SWT1: variants seen among roughly 807,000 people sequenced by gnomAD.
SWT1 encodes the protein SWT1 RNA endoribonuclease homolog.
A neutral mutation model predicts 107.3 loss-of-function variants in SWT1; 33 were observed. The ratio of observed to expected loss-of-function variants is 0.31; its 90% confidence interval spans 0.23 to 0.41. The LOEUF (loss-of-function observed/expected upper bound fraction) is 0.41. Ranked by LOEUF, SWT1 falls within the 10% of genes least tolerant of loss-of-function variation. The probability of loss-of-function intolerance (pLI) is 1.00; values close to 1 mark genes in which losing one functional copy is unlikely to be tolerated. For missense variants in SWT1, 898 were observed against 1,028.9 expected (o/e 0.87, Z 1.74); for synonymous variants, 345 against 348.3 (o/e 0.99, Z 0.11).
rs1239578435 is a variant in SWT1 at position 185,164,217 on chromosome 1, A to C, written c.85-2355A>C. 5.3e-5 allele frequency among the ~76,000 whole-genome samples: 8 copies of C among 152,170 alleles called. No homozygotes were observed. The South Asian group carries it at 1.7e-3, about 32-fold the overall frequency. ...ACAGTAGGTCTCAACAGTGAGCTTA[A>C]GATATTCAGTAAATCATGCTGTAAA... On this transcript the variant is annotated intron_variant, in intron 2 of 18. Coordinates refer to ENST00000367500, the MANE Select transcript of SWT1 (RefSeq NM_017673.7).
chr1:185,237,600 T>C (rs1425500232), intron 16 of SWT1, among the ~76,000 whole-genome samples: 3 of 152,082 alleles, frequency 2.0e-5, no homozygotes, highest in Non-Finnish European at 4.4e-5. Context: ...CTAATGTAGA[T>C]GATGGGTTAA....
chr1:185,240,204 T>C (rs1414053321), intron 16 of SWT1, among the ~76,000 whole-genome samples: 1 of 152,070 alleles, frequency 6.6e-6, no homozygotes, highest in Admixed American at 6.6e-5. Flanking sequence ...ATTTCACCTT[T>C]ATAAAATAAG....
Position 185,220,140 on chromosome 1 carries a change from A to C in SWT1, c.2122-1709A>C, listed in dbSNP as rs796229189. On this transcript the variant is annotated intron_variant, in intron 14 of 18. Transcript: ENST00000367500. ...GGTGGCAGAATGAGACCCTGTCTCA[A>C]AAAAAAAAAAAAAAAAAAAAAAAAG... 2.9e-3 allele frequency among the ~76,000 whole-genome samples: 19 copies of C among 6,660 alleles called. No individual in the cohort carries two copies. The African/African-American group carries it at 0.032, about 11-fold the overall frequency. The allele number at this position is 6,660 out of a possible 152,430, so 4.4% of individuals were successfully genotyped here.
intron 7 of SWT1, among the ~76,000 whole-genome samples, chr1:185,182,742 ATGT>A (rs1009437035): frequency 6.6e-6 from 1 of 150,574 alleles, no homozygotes; most frequent in Non-Finnish European, 1.5e-5. Flanking sequence ...TTTCTTATTC[ATGT>A]TGTGAAATTT....
chr1:185,201,423 C>G (rs1004074480), intron 10 of SWT1, among the ~76,000 whole-genome samples: 1 of 152,164 alleles, frequency 6.6e-6, no homozygotes, highest in African/African-American at 2.4e-5. Context: ...TTGTGAAGAC[C>G]ATGGGAAAAG....
chr1:185,163,934 A>G (rs904406566), intron 2 of SWT1, among the ~76,000 whole-genome samples: 3 of 152,182 alleles, frequency 2.0e-5, no homozygotes, highest in Admixed American at 1.3e-4. Context: ...AAGGTTTTCA[A>G]TTTACTTTGC....
At position 185,268,770 on chromosome 1, in the gene SWT1, A is replaced by G. The variant is rs185366849; in HGVS notation, c.2442-2553A>G. 6.7e-3 allele frequency among the ~76,000 whole-genome samples: 1,014 copies of G among 152,084 alleles called. 3 individuals carry two copies. Among genetic ancestry groups the G allele is most frequent in the Admixed American group, 0.011 (162 of 15,286 alleles). On this transcript the variant is annotated intron_variant, in intron 16 of 18. Transcript: ENST00000367500. ...GATTTTCTCGCCCTCTTTTATGGAC[A>G]GTTCAGATTATTTCTAAAGCCGTAA...
intron 18 of SWT1, among the ~76,000 whole-genome samples, chr1:185,282,210 TCCA>T (rs936329141): frequency 2.0e-5 from 3 of 152,202 alleles, no homozygotes; most frequent in Non-Finnish European, 4.4e-5. Context: ...GTGCATGAAT[TCCA>T]CCCATTCTCT....
At chr1:185,243,669 G>A (rs1661402095) in intron 16 of SWT1, among the ~76,000 whole-genome samples, 1 of 152,160 alleles carries the variant, frequency 6.6e-6, no homozygotes, top group Admixed American at 6.5e-5. Flanking sequence ...AACAAGGCAT[G>A]TTAAACCTTT....
At chr1:185,279,477 C>T (rs898024741) in intron 18 of SWT1, among the ~76,000 whole-genome samples, 2 of 151,434 alleles carry the variant, frequency 1.3e-5, no homozygotes, top group Non-Finnish European at 2.9e-5. Flanking sequence ...ATGAGTAAAC[C>T]CTCTTTTATA....
intron 4 of SWT1, among the ~76,000 whole-genome samples, chr1:185,170,800 T>C (rs1435379160): frequency 6.6e-6 from 1 of 152,150 alleles, no homozygotes; most frequent in Non-Finnish European, 1.5e-5. Flanking sequence ...TATAGGACTA[T>C]AGGAAGAAAA....
Position 185,231,603 on chromosome 1 carries a change from C to T in SWT1, c.2336C>T (p.Ser779Leu). The T allele has an allele frequency of 6.2e-7, 1 of 1,610,176 alleles. No individual in the cohort carries two copies. The highest frequency in any genetic ancestry group is 2.2e-5 in the East Asian group (1 of 44,740). The change falls in exon 16 of 19, where the codon TCA becomes TTA. Residue 779 changes from serine (S) to leucine (L), a missense_variant. Ser to Leu is a moderately radical substitution (Grantham distance 145). Coordinates refer to ENST00000367500, the MANE Select transcript of SWT1 (RefSeq NM_017673.7). Reference protein sequence around the residue: ...NSTDVFQRLGSNSALTTSNIA... With the variant: ...NSTDVFQRLGLNSALTTSNIA... ...ACGGATGTATTTCAAAGATTGGGCT[C>T]AAATTCAGCTCTGACTACTTCAAAT...
At chr1:185,240,637 T>C (rs1191140682) in intron 16 of SWT1, among the ~76,000 whole-genome samples, 1 of 152,118 alleles carries the variant, frequency 6.6e-6, no homozygotes, top group East Asian at 1.9e-4. Flanking sequence ...TTTTGGAAAA[T>C]AAAACCTCAG....
At chr1:185,253,879 A>G (rs1410620251) in intron 16 of SWT1, among the ~76,000 whole-genome samples, 1 of 151,574 alleles carries the variant, frequency 6.6e-6, no homozygotes, top group Non-Finnish European at 1.5e-5. Flanking sequence ...GAATGCTTCC[A>G]GTTTTTGTCC....
At chr1:185,256,741 T>G (rs1282278430) in intron 16 of SWT1, among the ~76,000 whole-genome samples, 4 of 151,878 alleles carry the variant, frequency 2.6e-5, no homozygotes, top group Non-Finnish European at 5.9e-5. Context: ...CTCCCGTAGC[T>G]CAGAGTAATT....
intron 15 of SWT1, among the ~76,000 whole-genome samples, chr1:185,228,169 G>GTATA (rs757812651): frequency 0.013 from 998 of 79,220 alleles, 10 homozygotes; most frequent in African/African-American, 0.029. Flanking sequence ...AAAAAAATGT[G>GTATA]TATATATATA....
At chr1:185,278,121 C>A (rs1664370678) in intron 18 of SWT1, among the ~76,000 whole-genome samples, 2 of 152,110 alleles carry the variant, frequency 1.3e-5, no homozygotes, top group African/African-American at 4.8e-5. Context: ...AGCCACCATG[C>A]CCAGCCGCAA....
intron 16 of SWT1, among the ~76,000 whole-genome samples, chr1:185,253,535 C>T (rs1352195249): frequency 6.7e-6 from 1 of 149,520 alleles, no homozygotes; most frequent in Non-Finnish European, 1.5e-5. Flanking sequence ...ATTTTATTCT[C>T]TTTGAAGCAA....
At chr1:185,286,209 T>C (rs1322029764) in intron 18 of SWT1, among the ~76,000 whole-genome samples, 2 of 152,116 alleles carry the variant, frequency 1.3e-5, no homozygotes, top group African/African-American at 4.8e-5. Flanking sequence ...TATTCTTTAA[T>C]TTCCTTCAGC....
Sources: allele counts gnomAD v4.1 joint callset (sites outside exome capture counted in the v4.1 genomes callset), GRCh38; gene constraint gnomAD v4.1.1; transcripts MANE v1.5; gene names NCBI Gene and HGNC (gene_info 2026-07-23, HGNC 2026-07-21).